Variants in C12orf42 observed in about 807,000 individuals in gnomAD.
C12orf42 encodes the protein uncharacterized protein C12orf42.
In C12orf42, 25 loss-of-function variants were observed where a neutral mutation model predicts 21.6. The observed-to-expected ratio is 1.16, with a 90% CI of 0.84 to 1.62. C12orf42 has a LOEUF of 1.62. C12orf42 is among the 40% of genes most tolerant of loss of function. C12orf42 has a pLI of 0.00. For synonymous variants in C12orf42, 174 were observed against 175.0 expected, an observed-to-expected ratio of 0.99 and a Z score of 0.05; for missense variants, 483 against 459.3, an observed-to-expected ratio of 1.05 and a Z score of -0.47.
At chr12:103,452,890 C>T (rs537071132) in intron 2 of C12orf42, among the ~76,000 whole-genome samples, 14 of 148,944 alleles carry the variant, frequency 9.4e-5, no homozygotes, top group East Asian at 6.0e-4. Context: ...GTGGGGGGAG[C>T]GGGGAGGGAT....
At position 103,471,681 on chromosome 12, in the gene C12orf42, T is replaced by C. The variant is rs998296072; in HGVS notation, c.78+6668A>G. Reference sequence around the variant, plus strand: ...GATTTTAACCTCTACACTGGTAGCTTACAAGCTTTTGGTCTACACCCCATG... The same window carrying C: ...GATTTTAACCTCTACACTGGTAGCTCACAAGCTTTTGGTCTACACCCCATG... On this transcript the variant is annotated intron_variant, in intron 2 of 5. Coordinates refer to ENST00000548883, the MANE Select transcript of C12orf42 (RefSeq NM_198521.5). Among the ~76,000 whole-genome samples the C allele has an allele frequency of 9.2e-5, 14 of 152,330 alleles. 1 individual carries two copies. Among genetic ancestry groups the C allele is most frequent in the Admixed American group, 2.6e-4 (4 of 15,300 alleles).
the C12orf42 span, among the ~76,000 whole-genome samples, chr12:103,102,190 A>G: frequency 1.3e-5 from 2 of 152,196 alleles, no homozygotes; most frequent in Non-Finnish European, 2.9e-5. Context: ...GACCATTTTT[A>G]TTAACAGTCC....
the C12orf42 span, among the ~76,000 whole-genome samples, chr12:103,127,793 A>G: frequency 2.0e-5 from 3 of 152,324 alleles, no homozygotes; most frequent in Non-Finnish European, 4.4e-5. Context: ...CTTGATACAT[A>G]TGAATATATA....
the C12orf42 span, among the ~76,000 whole-genome samples, chr12:103,505,205 T>C: frequency 1.3e-5 from 2 of 152,154 alleles, no homozygotes; most frequent in South Asian, 4.1e-4. Flanking sequence ...TAGAAACATC[T>C]ATTGAGAGAA....
chr12:103,429,815 A>C (rs12296693), intron 2 of C12orf42, among the ~76,000 whole-genome samples: 1 of 152,032 alleles, frequency 6.6e-6, no homozygotes, highest in African/African-American at 2.4e-5. Flanking sequence ...AAATAATGCC[A>C]CATATCTACA....
chr12:103,521,693 T>C, the C12orf42 span, among the ~76,000 whole-genome samples: 1 of 152,252 alleles, frequency 6.6e-6, no homozygotes, highest in African/African-American at 2.4e-5. Flanking sequence ...AAAATTTAAT[T>C]TAATTTTTAA....
At chr12:103,425,285 T>C (rs1171895141) in intron 2 of C12orf42, among the ~76,000 whole-genome samples, 1 of 152,194 alleles carries the variant, frequency 6.6e-6, no homozygotes, top group African/African-American at 2.4e-5. Context: ...CATTCCTGCC[T>C]GCCAGCTCTA....
the C12orf42 span, among the ~76,000 whole-genome samples, chr12:103,192,057 G>A: frequency 6.6e-6 from 1 of 152,012 alleles, no homozygotes; most frequent in African/African-American, 2.4e-5. Flanking sequence ...GACAGCAGGA[G>A]AGGAAAGGAG....
chr12:103,268,379 C>A (rs1453784643), downstream of C12orf42: 1 of 152,024 alleles, frequency 6.6e-6, no homozygotes, highest in African/African-American at 2.4e-5. Context: ...CAAAACACAC[C>A]TATGCAGAAC....
chr12:103,423,183 T>A (rs1460286466), intron 2 of C12orf42, among the ~76,000 whole-genome samples: 2 of 152,346 alleles, frequency 1.3e-5, no homozygotes, highest in Middle Eastern at 3.4e-3. Flanking sequence ...CAGCCCTTTG[T>A]CACGGGGTCA....
chr12:103,154,073 A>G, the C12orf42 span, among the ~76,000 whole-genome samples: 1 of 150,910 alleles, frequency 6.6e-6, no homozygotes, highest in African/African-American at 2.4e-5. Context: ...AAGAAGCCAG[A>G]CCCATGAGTT....
At chr12:103,070,834 A>G in the C12orf42 span, among the ~76,000 whole-genome samples, 1 of 152,206 alleles carries the variant, frequency 6.6e-6, no homozygotes, top group Admixed American at 6.6e-5. Context: ...GGATTTCATG[A>G]AAGTGAGTGT....
At chr12:103,261,476 C>CAAA (rs200549825) in intron 10 of C12orf42, among the ~76,000 whole-genome samples, 1 of 78,816 alleles carries the variant, frequency 1.3e-5, no homozygotes, top group African/African-American at 3.9e-5. Context: ...GAGACTCTTT[C>CAAA]AAAAAAAAAA....
At chr12:103,087,520 A>T in the C12orf42 span, among the ~76,000 whole-genome samples, 2 of 152,332 alleles carry the variant, frequency 1.3e-5, no homozygotes, top group East Asian at 3.9e-4. Context: ...AGTTCTCTAA[A>T]AGAGTGATAA....
At chr12:103,552,332 CCTT>C in the C12orf42 span, among the ~76,000 whole-genome samples, 2 of 152,106 alleles carry the variant, frequency 1.3e-5, no homozygotes, top group Non-Finnish European at 2.9e-5. Flanking sequence ...CATTGAAACT[CCTT>C]GAGTTTTCCC....
chr12:103,403,096 C>G (rs192994433), intron 2 of C12orf42, among the ~76,000 whole-genome samples: 2 of 152,280 alleles, frequency 1.3e-5, no homozygotes, highest in Admixed American at 6.5e-5. Flanking sequence ...AATGCAGGGG[C>G]CAGGCACGGT....
At chr12:103,487,336 C>G (rs930944770) in intron 1 of C12orf42, among the ~76,000 whole-genome samples, 2 of 152,166 alleles carry the variant, frequency 1.3e-5, no homozygotes, top group Admixed American at 6.5e-5. Context: ...CTTGTGATTT[C>G]TGTTCTTTTA....
At chr12:103,242,185 C>A (rs2033780817) in intron 10 of C12orf42, among the ~76,000 whole-genome samples, 1 of 152,140 alleles carries the variant, frequency 6.6e-6, no homozygotes, top group South Asian at 2.1e-4. Flanking sequence ...TAATTGTTAA[C>A]TTTCTTCTTA....
At chr12:103,506,708 T>C in the C12orf42 span, among the ~76,000 whole-genome samples, 4 of 146,662 alleles carry the variant, frequency 2.7e-5, no homozygotes, top group East Asian at 8.0e-4. Context: ...AAGTGATGCA[T>C]GATTTTATAC....
Sources: allele counts gnomAD v4.1 joint callset (sites outside exome capture counted in the v4.1 genomes callset), GRCh38; gene constraint gnomAD v4.1.1; transcripts MANE v1.5; gene names NCBI Gene and HGNC (gene_info 2026-07-23, HGNC 2026-07-21).